The following ULK4 variants were observed in gnomAD, a reference collection of about 807,000 sequenced individuals.
The protein encoded by ULK4 is unc-51 like kinase 4.
ULK4 carries 133 observed loss-of-function variants against 160.6 expected under a neutral mutation model. That is an observed-to-expected ratio of 0.83 (90% CI 0.72 to 0.96). ULK4 has a LOEUF of 0.96. Among genes scored for constraint, ULK4 ranks in the 40% least tolerant of loss-of-function variants. The pLI is 0.00. For synonymous variants in ULK4, 534 were observed against 539.8 expected, an observed-to-expected ratio of 0.99 and a Z score of 0.15; for missense variants, 1,580 against 1,499.5, an observed-to-expected ratio of 1.05 and a Z score of -0.89.
At chr3:41,567,943 G>A (rs1401117176) in intron 31 of ULK4, among the ~76,000 whole-genome samples, 6 of 151,974 alleles carry the variant, frequency 3.9e-5, no homozygotes, top group Admixed American at 2.6e-4. Flanking sequence ...TACCCTAACC[G>A]TGTTGTATCT....
At chr3:41,449,968 C>A (rs922780192) in intron 34 of ULK4, among the ~76,000 whole-genome samples, 1 of 148,890 alleles carries the variant, frequency 6.7e-6, no homozygotes, top group African/African-American at 2.5e-5. Context: ...AAAAAAGGCA[C>A]ACATGATTCA....
chr3:41,399,674 A>G (rs1484099718), intron 34 of ULK4, among the ~76,000 whole-genome samples: 1 of 150,742 alleles, frequency 6.6e-6, no homozygotes, highest in Non-Finnish European at 1.5e-5. Flanking sequence ...TCTGGCTTCA[A>G]GCAATTCTCC....
chr3:41,339,155 G>T (rs2080627756), intron 35 of ULK4, among the ~76,000 whole-genome samples: 1 of 151,908 alleles, frequency 6.6e-6, no homozygotes, highest in Admixed American at 6.6e-5. Context: ...CTGTGGGCAG[G>T]TGCCAGGGTG....
chr3:41,914,754 C>T (rs1025535116), intron 8 of ULK4: 1 of 152,244 alleles, frequency 6.6e-6, no homozygotes, highest in African/African-American at 2.4e-5. Context: ...CAGTGGCTCA[C>T]ACCTGAAATC....
chr3:41,441,917 C>G (rs61109950), intron 34 of ULK4, among the ~76,000 whole-genome samples: 48 of 152,236 alleles, frequency 3.2e-4, no homozygotes, highest in African/African-American at 1.1e-3. Context: ...TAGGACATGA[C>G]CTTCTTTATC....
chr3:41,799,810 C>T (rs963780520), intron 20 of ULK4, among the ~76,000 whole-genome samples: 1 of 152,106 alleles, frequency 6.6e-6, no homozygotes, highest in Non-Finnish European at 1.5e-5. Context: ...TTGCAGTAAG[C>T]CAAGATCACA....
At chr3:41,624,424 A>G (rs1003263462) in intron 30 of ULK4, among the ~76,000 whole-genome samples, 5 of 152,088 alleles carry the variant, frequency 3.3e-5, no homozygotes, top group African/African-American at 1.2e-4. Flanking sequence ...ATTTTAAACT[A>G]TATTCTACTA....
intron 4 of ULK4, among the ~76,000 whole-genome samples, chr3:41,935,209 A>ATTTATTTATTTTTT (rs1559660879): frequency 7.4e-6 from 1 of 135,552 alleles, no homozygotes; most frequent in African/African-American, 3.3e-5. Flanking sequence ...TTATTTATTT[A>ATTTATTTATTTTTT]TTTTTTTTTT....
intron 32 of ULK4, among the ~76,000 whole-genome samples, chr3:41,509,557 C>T (rs935740841): frequency 6.6e-6 from 1 of 152,158 alleles, no homozygotes; most frequent in Non-Finnish European, 1.5e-5. Flanking sequence ...AGAAAAGGAT[C>T]TTAAGAGCTG....
intron 35 of ULK4, among the ~76,000 whole-genome samples, chr3:41,306,157 C>T (rs1472238090): frequency 1.1e-4 from 12 of 108,154 alleles, no homozygotes; most frequent in Non-Finnish European, 5.5e-5. Flanking sequence ...CCCCGCCAGG[C>T]CAGCCGCCCC....
chr3:41,722,883 G>C (rs1429929804), intron 22 of ULK4, among the ~76,000 whole-genome samples: 1 of 152,178 alleles, frequency 6.6e-6, no homozygotes, highest in East Asian at 1.9e-4. Flanking sequence ...CAATGCTTGA[G>C]AGACACTGTT....
intron 29 of ULK4, among the ~76,000 whole-genome samples, chr3:41,675,020 T>C (rs1031577650): frequency 6.6e-6 from 1 of 152,130 alleles, no homozygotes; most frequent in Non-Finnish European, 1.5e-5. Flanking sequence ...GGCAGGCTGA[T>C]CATGAGGTCA....
intron 17 of ULK4, among the ~76,000 whole-genome samples, chr3:41,845,128 G>C (rs796203609): frequency 1.1e-4 from 17 of 152,182 alleles, no homozygotes; most frequent in African/African-American, 3.9e-4. Context: ...ACCACGCCCG[G>C]CTAATTTTTT....
intron 35 of ULK4, among the ~76,000 whole-genome samples, chr3:41,291,375 AAAGG>A (rs142818723): frequency 0.16 from 23,292 of 142,218 alleles, 2,484 homozygotes; most frequent in African/African-American, 0.29. Flanking sequence ...AGTAAAGAAG[AAAGG>A]AAGGAAGGAA....
chr3:41,357,704 G>T (rs993519965), intron 35 of ULK4, among the ~76,000 whole-genome samples: 2 of 152,148 alleles, frequency 1.3e-5, no homozygotes, highest in Non-Finnish European at 2.9e-5. Context: ...CTCAGCATAG[G>T]TATAGGTCTA....
intron 30 of ULK4, among the ~76,000 whole-genome samples, chr3:41,638,124 C>G (rs556376238): frequency 6.6e-6 from 1 of 151,940 alleles, no homozygotes; most frequent in Non-Finnish European, 1.5e-5. Flanking sequence ...CAGTGGTGTA[C>G]GAAAGTACAT....
At chr3:41,393,558 CT>C (rs916218373) in intron 35 of ULK4, among the ~76,000 whole-genome samples, 2 of 152,162 alleles carry the variant, frequency 1.3e-5, no homozygotes, top group Non-Finnish European at 2.9e-5. Flanking sequence ...TCCGTCGGAA[CT>C]TTCTTGGCTT....
intron 31 of ULK4, among the ~76,000 whole-genome samples, chr3:41,581,836 A>C (rs1265070399): frequency 6.6e-6 from 1 of 152,236 alleles, no homozygotes; most frequent in South Asian, 2.1e-4. Context: ...TCTGGGCCAG[A>C]AGAACCAGCA....
intron 23 of ULK4, 91 bp from the exon 24 acceptor site, chr3:41,715,659 T>C: frequency 6.7e-7 from 1 of 1,497,918 alleles, no homozygotes; most frequent in Non-Finnish European, 9.0e-7. Context: ...ATGGGACTTC[T>C]AAGGTAATTA....
Sources: allele counts gnomAD v4.1 joint callset (sites outside exome capture counted in the v4.1 genomes callset), GRCh38; gene constraint gnomAD v4.1.1; transcripts MANE v1.5; gene names NCBI Gene and HGNC (gene_info 2026-07-23, HGNC 2026-07-21).